Variants in DUOX1 observed in about 807,000 individuals in gnomAD.
The protein encoded by DUOX1 is NADPH thyroid oxidase 1.
In DUOX1, 134 loss-of-function variants were observed where a neutral mutation model predicts 181.8. The observed-to-expected ratio is 0.74, with a 90% CI of 0.64 to 0.85. The LOEUF (loss-of-function observed/expected upper bound fraction) is 0.85, where lower values mean the gene tolerates loss of function less well. Among genes scored for constraint, DUOX1 ranks in the 40% least tolerant of loss-of-function variants. DUOX1 has a pLI of 0.00. For synonymous variants in DUOX1, 798 were observed against 832.5 expected (o/e 0.96, Z 0.71); for missense variants, 1,814 against 2,064.4 (o/e 0.88, Z 2.35).
Position 45,150,755 on chromosome 15 carries a change from C to T in DUOX1, c.2888+54C>T, listed in dbSNP as rs150190327. The T allele has an allele frequency of 4.5e-6, 7 of 1,566,190 alleles. No homozygotes were observed. The East Asian group carries it at 9.0e-5, about 20-fold the overall frequency. On this transcript the variant is annotated intron_variant, in intron 22 of 33. Transcript: ENST00000389037. ...GAGGAGTTGGGGAGTTGCCATTTCT[C>T]TCCCCTGAATGGCTGGGATCAGGGC...
rs999245098 is a variant in DUOX1, at chr15:45,136,587, G to A, written c.984G>A (p.Gln328=). ...ISSEFVAASE[Q]FLSTMVPPGV... is the part of the protein sequence containing the mutation. ...CAGAGTTCGTGGCGGCCTCTGAGCA[G>A]TTCCTGTCCACCATGGTGCCCCCTG... Residue 328 remains glutamine, a synonymous_variant, in exon 9 of 34, where the codon CAG becomes CAA. Transcript: ENST00000389037. 1 of 1,614,134 alleles carries A rather than the reference G, an allele frequency of 6.2e-7. No homozygotes were observed. The highest frequency in any genetic ancestry group is 8.5e-7 in the Non-Finnish European group (1 of 1,180,038).
chr15:45,134,227 C>T lies in DUOX1; in HGVS notation c.225C>T (p.Pro75=). Residue 75 remains proline (P), a synonymous_variant, in exon 4 of 34, where the codon CCC becomes CCT. Coordinates refer to ENST00000389037, the MANE Select transcript of DUOX1 (RefSeq NM_175940.3). ...QPLGEPHLPN[P]RDLSNTISRG... ...TGGGAGAACCCCACCTGCCCAACCC[C>T]CGAGACCTTAGCAACACCATCTCAA... is the stretch of plus-strand genomic sequence containing the variant. The T allele has an allele frequency of 1.3e-6, 2 of 1,577,804 alleles. No individual in the cohort carries two copies. Among genetic ancestry groups the T allele is most frequent in the Non-Finnish European group, 1.7e-6 (2 of 1,164,626 alleles).
chr15:45,148,097 C>A (rs1364145696), intron 20 of DUOX1, 100 bp downstream of exon 20: 3 of 1,418,622 alleles, frequency 2.1e-6, no homozygotes, highest in Admixed American at 1.7e-5. Context: ...AGGAAGGAAG[C>A]CTCCTCCTTA....
At chr15:45,162,937 G>A (rs1441036584) in intron 31 of DUOX1, among the ~76,000 whole-genome samples, 1 of 152,240 alleles carries the variant, frequency 6.6e-6, no homozygotes, top group Admixed American at 6.5e-5. Flanking sequence ...TCTGGGCCTG[G>A]CAGGTGAGTC....
chr15:45,154,279 T>C (rs930968388), intron 27 of DUOX1, among the ~76,000 whole-genome samples: 2 of 152,164 alleles, frequency 1.3e-5, no homozygotes, highest in Non-Finnish European at 2.9e-5. Context: ...TATGGACTAG[T>C]TCCAGTGGAA....
At chr15:45,151,743 G>A in intron 23 of DUOX1, 131 bp from the exon 24 acceptor site, 1 of 943,770 alleles carries the variant, frequency 1.1e-6, no homozygotes, top group Non-Finnish European at 1.6e-6. Flanking sequence ...TCTTCCACAA[G>A]GGTAACTAGG....
At position 45,144,031 on chromosome 15, in the gene DUOX1, C is replaced by G. The variant is rs113751486; in HGVS notation, c.1937-5C>G. ...GCTGACGAAGCCCTGTCTCTCTCCC[C>G]CTAGCTTTGGAATGGCAAGGCCACA... On this transcript the variant is annotated splice_polypyrimidine_tract_variant and splice_region_variant and intron_variant, in intron 16 of 33. Coordinates refer to ENST00000389037, the MANE Select transcript of DUOX1 (RefSeq NM_175940.3). 2.9e-4 allele frequency: 467 copies of G among 1,613,736 alleles called. 2 individuals are homozygous for G. The African/African-American group carries it at 4.8e-3, about 17-fold the overall frequency.
At chr15:45,149,291 C>T (rs1296726831) in intron 21 of DUOX1, among the ~76,000 whole-genome samples, 1 of 152,162 alleles carries the variant, frequency 6.6e-6, no homozygotes, top group Non-Finnish European at 1.5e-5. Flanking sequence ...GTAAGGAGAG[C>T]TGGAAGAGAA....
chr15:45,154,281 C>G (rs1049419756), intron 27 of DUOX1, among the ~76,000 whole-genome samples: 1 of 152,132 alleles, frequency 6.6e-6, no homozygotes, highest in Non-Finnish European at 1.5e-5. Context: ...TGGACTAGTT[C>G]CAGTGGAATA....
chr15:45,156,757 C>CCT, intron 28 of DUOX1, among the ~76,000 whole-genome samples: 1 of 152,224 alleles, frequency 6.6e-6, no homozygotes, highest in Non-Finnish European at 1.5e-5. Flanking sequence ...AAGACTCTAC[C>CCT]TATCCCCTTT....
chr15:45,147,975 G>A lies in DUOX1; in HGVS notation c.2620G>A (p.Asp874Asn), dbSNP rs1896698305. The A allele has an allele frequency of 1.2e-6, 2 of 1,613,970 alleles. No individual in the cohort carries two copies. Among genetic ancestry groups the A allele is most frequent in the South Asian group, 2.2e-5 (2 of 91,090 alleles). The change falls in exon 20 of 34, where the codon GAT becomes AAT. Residue 874 changes from aspartate to asparagine, a missense_variant. Asp to Asn is a conservative substitution (Grantham distance 23, BLOSUM62 1). Transcript: ENST00000389037. ...TGATGGGAATGGCCTCATTTCCAAGGATGAGTTCATCAGGATGCTGAGGTT... is the reference window on the plus strand; with the variant it reads ...TGATGGGAATGGCCTCATTTCCAAGAATGAGTTCATCAGGATGCTGAGGTT... ...DFDGNGLISK[D>N]EFIRMLRSFI...
intron 2 of DUOX1, 108 bp downstream of exon 2, chr15:45,132,132 C>G: frequency 2.0e-6 from 2 of 977,612 alleles, no homozygotes; most frequent in Admixed American, 2.6e-5. Flanking sequence ...TCTTTAGTCT[C>G]TAGCTGACAC....
Position 45,153,483 on chromosome 15 carries a change from A to G in DUOX1, c.3524+4A>G. 1 of 1,572,146 alleles carries G rather than the reference A, an allele frequency of 6.4e-7. No homozygotes were observed. Among genetic ancestry groups the G allele is most frequent in the Non-Finnish European group, 8.7e-7 (1 of 1,147,824 alleles). On this transcript the variant is annotated splice_donor_region_variant and intron_variant, in intron 26 of 33. Coordinates refer to ENST00000389037, the MANE Select transcript of DUOX1 (RefSeq NM_175940.3). ...CTGGCCTCTTCCATGATGATGGGTG[A>G]GTAAGTGCGAATGTGTGTGTGTGTG... is the stretch of plus-strand genomic sequence containing the variant.
rs2141317356 is a variant in DUOX1, at chr15:45,165,014, C to T, written c.*113C>T. 1 of 1,270,002 alleles carries T rather than the reference C, an allele frequency of 7.9e-7. No individual in the cohort carries two copies. The highest frequency in any genetic ancestry group is 2.3e-5 in the East Asian group (1 of 42,574). 78.7% of individuals were successfully genotyped at this position (1,270,002 alleles called of 1,614,324 possible). A position where few individuals can be genotyped will look rare whatever the true frequency, so the allele number is the denominator to read the frequency against. On this transcript the variant is annotated 3_prime_UTR_variant, in exon 34 of 34. Transcript: ENST00000389037. Reference sequence around the variant, plus strand: ...TCAGCCTTCTCTGATTTCCCACCTCCCAACCTTGTTCCAGGTGGCCATAGT... The same window carrying T: ...TCAGCCTTCTCTGATTTCCCACCTCTCAACCTTGTTCCAGGTGGCCATAGT...
intron 28 of DUOX1, among the ~76,000 whole-genome samples, chr15:45,158,280 C>T (rs1014356799): frequency 6.6e-6 from 1 of 152,098 alleles, no homozygotes; most frequent in African/African-American, 2.4e-5. Context: ...AAACAGTGAA[C>T]TTGGGGAAGA....
rs1567013213 is a variant in DUOX1 at position 45,144,209 on chromosome 15, C to T, written c.2110C>T (p.Leu704Phe). 1.2e-6 allele frequency: 2 copies of T among 1,613,972 alleles called. No homozygotes were observed. Among genetic ancestry groups the T allele is most frequent in the Admixed American group, 3.3e-5 (2 of 60,014 alleles). ...CAACCGTGGACGCCGCACTCTGCTG[C>T]TCAAGATCCCCAAGGAGTATGACCT... ...SSNRGRRTLL[L>F]KIPKEYDLVL... The change falls in exon 17 of 34, where the codon CTC becomes TTC. Residue 704 changes from leucine (L) to phenylalanine (F), a missense_variant. Leu to Phe is a conservative substitution (Grantham distance 22, BLOSUM62 0). Transcript: ENST00000389037.
At chr15:45,151,021 C>G (rs941991780) in intron 22 of DUOX1, 102 bp from the exon 23 acceptor site, 2 of 1,527,410 alleles carry the variant, frequency 1.3e-6, no homozygotes, top group Admixed American at 3.6e-5. Context: ...GCTGACAGCT[C>G]TGATCCTTCC....
At chr15:45,153,313 TG>T in intron 25 of DUOX1, 66 bp from the exon 26 acceptor site, 1 of 1,290,370 alleles carries the variant, frequency 7.7e-7, no homozygotes, top group Non-Finnish European at 1.1e-6. Flanking sequence ...TCCTCGATCT[TG>T]GGCTGAATGA....
In DUOX1 at chr15:45,135,529, C is replaced by T; in HGVS notation, c.551C>T (p.Ser184Phe). Residue 184 changes from serine to phenylalanine, a missense_variant, in exon 6 of 34, where the codon TCC becomes TTC. By Grantham distance (155) the Ser-to-Phe change is radical. Transcript: ENST00000389037. ...AGCGCCATCTATGGTTCCTCGCATT[C>T]CTGGAGCGACGCGCTGCGGAGCTTC... ...DGSAIYGSSH[S>F]WSDALRSFSR... The T allele has an allele frequency of 6.4e-7, 1 of 1,559,858 alleles. No individual in the cohort carries two copies.
Sources: allele counts gnomAD v4.1 joint callset (sites outside exome capture counted in the v4.1 genomes callset), GRCh38; gene constraint gnomAD v4.1.1; transcripts MANE v1.5; gene names NCBI Gene and HGNC (gene_info 2026-07-23, HGNC 2026-07-21).